The following BRAF variants were observed in gnomAD, a reference collection of about 807,000 sequenced individuals.
The protein encoded by BRAF is serine/threonine-protein kinase B-raf.
In BRAF, 16 loss-of-function variants were observed where a neutral mutation model predicts 104.6. The ratio of observed to expected loss-of-function variants is 0.15; its 90% CI spans 0.10 to 0.23. The LOEUF is 0.23. BRAF is among the 10% of genes least tolerant of loss of function. The probability of loss-of-function intolerance (pLI) is 1.00; values close to 1 mark genes in which losing one functional copy is unlikely to be tolerated. For missense variants in BRAF, 541 were observed against 937.3 expected, an observed-to-expected ratio of 0.58 and a Z score of 5.52; for synonymous variants, 310 against 341.6, an observed-to-expected ratio of 0.91 and a Z score of 1.02.
At chr7:140,747,454 T>C (rs2128992741) in intron 17 of BRAF, 2 of 1,280,528 alleles carry the variant, frequency 1.6e-6, no homozygotes, top group Non-Finnish European at 2.0e-6. Context: ...GCACCTAAAA[T>C]GCCAAGAAGT....
chr7:140,905,885 G>C (rs1039593730), intron 1 of BRAF, among the ~76,000 whole-genome samples: 2 of 151,106 alleles, frequency 1.3e-5, no homozygotes, highest in Non-Finnish European at 2.9e-5. Flanking sequence ...TCAGGAGATC[G>C]AGACCATCCC....
At chr7:140,775,798 A>G (rs1800285752) in intron 14 of BRAF, among the ~76,000 whole-genome samples, 1 of 152,242 alleles carries the variant, frequency 6.6e-6, no homozygotes, top group African/African-American at 2.4e-5. Context: ...ATAGGCTTGT[A>G]AACAATCTAA....
intron 18 of BRAF, among the ~76,000 whole-genome samples, chr7:140,735,682 G>A (rs1162311084): frequency 6.6e-6 from 1 of 151,682 alleles, no homozygotes; most frequent in Non-Finnish European, 1.5e-5. Context: ...TCAGCCTCCT[G>A]AGTAGCTGGG....
chr7:140,743,091 G>A (rs1052360205), intron 17 of BRAF, among the ~76,000 whole-genome samples: 5 of 152,138 alleles, frequency 3.3e-5, no homozygotes, highest in African/African-American at 1.2e-4. Context: ...TGGAGAGGAT[G>A]TGGAGAAATA....
intron 1 of BRAF, among the ~76,000 whole-genome samples, chr7:140,909,720 T>C (rs1297244639): frequency 2.0e-5 from 3 of 152,046 alleles, no homozygotes; most frequent in South Asian, 2.1e-4. Context: ...CTGAAAATCT[T>C]AGTGTATATT....
intron 2 of BRAF, among the ~76,000 whole-genome samples, chr7:140,849,393 C>T (rs1808909476): frequency 6.6e-6 from 1 of 151,852 alleles, no homozygotes; most frequent in Admixed American, 6.6e-5. Flanking sequence ...CAAATTTTAC[C>T]TATAAGGAAG....
At chr7:140,893,709 T>C (rs1172512301) in intron 1 of BRAF, among the ~76,000 whole-genome samples, 1 of 152,012 alleles carries the variant, frequency 6.6e-6, no homozygotes, top group East Asian at 1.9e-4. Context: ...GAGTGGGGGA[T>C]GAGAGAAGAA....
chr7:140,823,918 T>C (rs1294770161), intron 3 of BRAF: 1 of 152,204 alleles, frequency 6.6e-6, no homozygotes, highest in Non-Finnish European at 1.5e-5. Flanking sequence ...ATTAGCAATG[T>C]TGGGCATCTT....
chr7:140,874,835 C>T (rs542284913), intron 1 of BRAF, among the ~76,000 whole-genome samples: 21 of 152,244 alleles, frequency 1.4e-4, no homozygotes, highest in South Asian at 6.2e-4. Flanking sequence ...ATCATGGAAG[C>T]GGTTTCCCAT....
intron 3 of BRAF, among the ~76,000 whole-genome samples, chr7:140,823,337 C>A (rs1250918598): frequency 6.6e-6 from 1 of 152,068 alleles, no homozygotes; most frequent in East Asian, 1.9e-4. Context: ...CTTCCCCCAG[C>A]CCCTGGCAAG....
At position 140,818,316 on chromosome 7, in the gene BRAF, T is replaced by G. The variant is rs555809859; in HGVS notation, c.505-9321A>C. Among the ~76,000 whole-genome samples, 6 of 148,040 alleles carry G rather than the reference T, an allele frequency of 4.1e-5. No individual in the cohort carries two copies. The South Asian group carries it at 1.3e-3, about 31-fold the overall frequency. Reference sequence around the variant, plus strand: ...TATTTTTCCATACAAGTATTTTAATTTTTTTTTTTTTTTTGAGATGGAGTC... The same window carrying G: ...TATTTTTCCATACAAGTATTTTAATGTTTTTTTTTTTTTTGAGATGGAGTC... On this transcript the variant is annotated intron_variant, in intron 3 of 19. Transcript: ENST00000644969.
At chr7:140,920,914 C>T (rs1371909498) in intron 1 of BRAF, among the ~76,000 whole-genome samples, 2 of 152,206 alleles carry the variant, frequency 1.3e-5, no homozygotes, top group Non-Finnish European at 2.9e-5. Context: ...CAAGCACCTG[C>T]ATTAATGAGA....
At chr7:140,717,420 G>A (rs1331654239), downstream of BRAF, among the ~76,000 whole-genome samples, 1 of 152,098 alleles carries the variant, frequency 6.6e-6, no homozygotes, top group Non-Finnish European at 1.5e-5. Flanking sequence ...ACAGGTGCGT[G>A]ACACCATGCC....
chr7:140,728,324 CCAA>C (rs1448681534), intron 19 of BRAF, among the ~76,000 whole-genome samples: 1 of 152,152 alleles, frequency 6.6e-6, no homozygotes, highest in Non-Finnish European at 1.5e-5. Flanking sequence ...GGTGCTGACT[CCAA>C]GACCCAGCAG....
intron 7 of BRAF, chr7:140,799,274 C>T (rs1437629950): frequency 8.6e-6 from 2 of 232,298 alleles, no homozygotes; most frequent in Admixed American, 1.1e-4. Context: ...AGCACTTGAA[C>T]TTGTCTTCAC....
At chr7:140,875,019 C>T (rs1812059642) in intron 1 of BRAF, among the ~76,000 whole-genome samples, 1 of 152,124 alleles carries the variant, frequency 6.6e-6, no homozygotes, top group Admixed American at 6.5e-5. Flanking sequence ...TGAGGCCTCC[C>T]CAGAAGCAGA....
intron 8 of BRAF, among the ~76,000 whole-genome samples, chr7:140,788,195 A>G (rs1459243720): frequency 6.6e-6 from 1 of 152,216 alleles, no homozygotes; most frequent in Non-Finnish European, 1.5e-5. Flanking sequence ...AAAAAATTAT[A>G]CTGGTGCACA....
In BRAF at chr7:140,723,222, T is replaced by C; in HGVS notation, c.*3272A>G. On this transcript the variant is annotated 3_prime_UTR_variant, in exon 20 of 20. Transcript: ENST00000644969. ...GATGTGCAGCAGCTCGCACTCCGCC[T>C]GGTGAATACAAGGTAACATCCTGTG... 9.5e-7 allele frequency: 1 copy of C among 1,054,616 alleles called. No individual in the cohort carries two copies. Among genetic ancestry groups the C allele is most frequent in the Non-Finnish European group, 1.1e-6 (1 of 872,654 alleles). The allele number at this position is 1,054,616 out of a possible 1,614,324, so 65.3% of individuals were successfully genotyped here.
rs191286812 is a variant in BRAF at position 140,865,964 on chromosome 7, G to A, written c.139-15752C>T. Among the ~76,000 whole-genome samples, 270 of 152,230 alleles carry A rather than the reference G, an allele frequency of 1.8e-3. 6 individuals are homozygous for A. Among genetic ancestry groups the A allele is most frequent in the Admixed American group, 0.015 (229 of 15,282 alleles). ...TCAGGGATGGCAGGGGAAAGGAGGG[G>A]AAACAGTATCAAGAATAACTGTCCA... is the stretch of plus-strand genomic sequence containing the variant. On this transcript the variant is annotated intron_variant, in intron 1 of 19. Transcript: ENST00000644969.
Sources: allele counts gnomAD v4.1 joint callset (sites outside exome capture counted in the v4.1 genomes callset), GRCh38; gene constraint gnomAD v4.1.1; transcripts MANE v1.5; gene names NCBI Gene and HGNC (gene_info 2026-07-23, HGNC 2026-07-21).